Variants in CCDC40 observed in about 807,000 individuals in gnomAD.
CCDC40 encodes coiled-coil domain 40 molecular ruler complex subunit, also known as coiled-coil domain-containing protein 40.
Under a neutral mutation model 124.5 loss-of-function variants are expected in CCDC40, and 104 were observed. That is an observed-to-expected ratio of 0.84 (90% CI 0.71 to 0.98). The LOEUF is 0.98. Ranked by LOEUF, CCDC40 falls within the 50% of genes least tolerant of loss-of-function variation. The pLI, the probability that CCDC40 is intolerant of heterozygous loss-of-function variation, is 0.00. For synonymous variants in CCDC40, 580 were observed against 602.9 expected, an observed-to-expected ratio of 0.96 and a Z score of 0.56; for missense variants, 1,463 against 1,503.9, an observed-to-expected ratio of 0.97 and a Z score of 0.45.
rs1258095203 is a variant in CCDC40, at chr17:80,048,640, A to C, written c.734A>C (p.Gln245Pro). The change falls in exon 5 of 20, where the codon CAG becomes CCG. Residue 245 changes from glutamine (Q) to proline (P), a missense_variant. Coordinates refer to ENST00000397545, the MANE Select transcript of CCDC40 (RefSeq NM_017950.4). Reference sequence around the variant, plus strand: ...AGGGAAGGAGACCTGCCAGTGTTCCAGGACCAGATCCAGCAGCCCAGCACC... The same window carrying C: ...AGGGAAGGAGACCTGCCAGTGTTCCCGGACCAGATCCAGCAGCCCAGCACC... Reference protein sequence around the residue: ...HPREGDLPVFQDQIQQPSTEE... With the variant: ...HPREGDLPVFPDQIQQPSTEE... 1 of 1,613,980 alleles carries C rather than the reference A, an allele frequency of 6.2e-7. No individual in the cohort carries two copies. The highest frequency in any genetic ancestry group is 2.2e-5 in the East Asian group (1 of 44,892).
At position 80,048,598 on chromosome 17, in the gene CCDC40, T is replaced by A. The variant is rs758921907; in HGVS notation, c.692T>A (p.Val231Glu). ...VSQEPVIPPG[V>E]PDAHPREGDL... is the part of the protein sequence containing the mutation. The stretch of plus-strand genomic sequence containing the variant: ...CTCCCCCCAGTGATCCCCCCAGGGG[T>A]GCCCGATGCCCACCCCAGGGAAGGA... Residue 231 changes from valine (V) to glutamate (E), a missense_variant, in exon 5 of 20, where the codon GTG (valine) becomes GAG (glutamate). By Grantham distance (121) the Val-to-Glu change is moderately radical. Transcript: ENST00000397545. The A allele has an allele frequency of 1.2e-6, 2 of 1,613,490 alleles. No individual in the cohort carries two copies. The highest frequency in any genetic ancestry group is 3.3e-5 in the Admixed American group (2 of 60,002).
At chr17:80,096,061 C>T (rs2038804698) in intron 18 of CCDC40, among the ~76,000 whole-genome samples, 1 of 152,258 alleles carries the variant, frequency 6.6e-6, no homozygotes, top group African/African-American at 2.4e-5. Context: ...AGGTTGGCCC[C>T]ACAGCCCCGC....
rs1229386289 is a variant in CCDC40 at position 80,100,020 on chromosome 17, G to GACCCACAC, written c.*254_*261dup. On this transcript the variant is annotated 3_prime_UTR_variant, in exon 20 of 20. Coordinates refer to ENST00000397545, the MANE Select transcript of CCDC40 (RefSeq NM_017950.4). ...CGCAAAGACAGAGCCTGTGACTGCA[G>GACCCACAC]ACCCACACACCCACACTCCCACACT... The GACCCACAC allele has an allele frequency of 1.8e-6, 1 of 545,938 alleles. No individual in the cohort carries two copies. Among genetic ancestry groups the GACCCACAC allele is most frequent in the East Asian group, 3.2e-5 (1 of 31,204 alleles). 33.8% of individuals were successfully genotyped at this position (545,938 alleles called of 1,614,324 possible). A position where few individuals can be genotyped will look rare whatever the true frequency, so the allele number is the denominator to read the frequency against.
chr17:80,053,368 A>T (rs2037656636), intron 7 of CCDC40, among the ~76,000 whole-genome samples: 1 of 152,192 alleles, frequency 6.6e-6, no homozygotes, highest in Non-Finnish European at 1.5e-5. Flanking sequence ...TGCGCCTTGG[A>T]GGAACCAGGG....
intron 3 of CCDC40, among the ~76,000 whole-genome samples, chr17:80,040,735 C>T (rs971339941): frequency 4.0e-5 from 6 of 151,542 alleles, no homozygotes; most frequent in Admixed American, 6.6e-5. Context: ...TCAGGATTCA[C>T]GGTCAAATGC....
chr17:80,089,287 G>A (rs12150060), intron 16 of CCDC40, among the ~76,000 whole-genome samples: 31,829 of 152,202 alleles, frequency 0.21, 4,037 homozygotes, highest in Non-Finnish European at 0.28. Context: ...TTTCTTCAGC[G>A]TGCTCCGGAA....
intron 10 of CCDC40, 39 bp downstream of exon 10, chr17:80,065,645 C>T: frequency 1.2e-6 from 2 of 1,609,728 alleles, no homozygotes; most frequent in Non-Finnish European, 1.7e-6. Flanking sequence ...GTGCGGGAAC[C>T]CCAGGGGTCC....
intron 12 of CCDC40, among the ~76,000 whole-genome samples, chr17:80,082,656 C>T (rs1425778440): frequency 6.6e-6 from 1 of 152,080 alleles, no homozygotes; most frequent in East Asian, 1.9e-4. Context: ...GTTTTGCCCT[C>T]CTGAGGGGTG....
At position 80,087,822 on chromosome 17, in the gene CCDC40, C is replaced by G; in HGVS notation, c.2619+46C>G. The G allele has an allele frequency of 6.3e-7, 1 of 1,577,156 alleles. No individual in the cohort carries two copies. Among genetic ancestry groups the G allele is most frequent in the Non-Finnish European group, 8.7e-7 (1 of 1,147,082 alleles). On this transcript the variant is annotated intron_variant, in intron 15 of 19. Transcript: ENST00000397545. This position sits in a 1 kb window ranked among gnomAD's most constrained non-coding sequence, Gnocchi z 4.5. ...TCCCGGGGCTCAGGACGATGGAGGGCGGGGGTACGGTCCTTGCGGTGGGCG... is the reference window on the plus strand; with the variant it reads ...TCCCGGGGCTCAGGACGATGGAGGGGGGGGGTACGGTCCTTGCGGTGGGCG...
At chr17:80,069,808 G>GA (rs869251411) in intron 10 of CCDC40, among the ~76,000 whole-genome samples, 1 of 147,464 alleles carries the variant, frequency 6.8e-6, no homozygotes, top group Admixed American at 6.6e-5. Context: ...GAGAGAGAGA[G>GA]AAAAAAAGAA....
chr17:80,050,196 G>A lies in CCDC40; in HGVS notation c.1072G>A (p.Glu358Lys), dbSNP rs1294814388. The A allele has an allele frequency of 6.2e-7, 1 of 1,611,660 alleles. No individual in the cohort carries two copies. The highest frequency in any genetic ancestry group is 1.7e-5 in the Admixed American group (1 of 59,888). The change falls in exon 7 of 20, where the codon GAG (glutamate) becomes AAG (lysine). Residue 358 changes from glutamate to lysine, a missense_variant. By Grantham distance (56) the Glu-to-Lys change is moderately conservative. Coordinates refer to ENST00000397545, the MANE Select transcript of CCDC40 (RefSeq NM_017950.4). ...SHDRHAMASS[E>K]RRQKEEELQA... ...CGACCGCCACGCAATGGCCTCGAGC[G>A]AGCGCAGGCAGAAGGAGGAGGAGCT...
intron 10 of CCDC40, among the ~76,000 whole-genome samples, chr17:80,072,714 A>G (rs544646644): frequency 5.3e-5 from 8 of 152,272 alleles, no homozygotes; most frequent in Middle Eastern, 6.8e-3. Context: ...TCCACTTGGC[A>G]TCATGCTTTT....
intron 13 of CCDC40, among the ~76,000 whole-genome samples, chr17:80,085,498 G>A (rs2038564256): frequency 2.0e-5 from 3 of 152,086 alleles, no homozygotes; most frequent in Non-Finnish European, 2.9e-5. Flanking sequence ...AAGCTAGAGG[G>A]GGCTCCAGAG....
At chr17:80,065,390 A>G in intron 9 of CCDC40, 95 bp from the exon 10 acceptor site, 1 of 1,518,854 alleles carries the variant, frequency 6.6e-7, no homozygotes, top group East Asian at 2.3e-5. Context: ...GAAGGAAAAG[A>G]GGAAGATTTG....
chr17:80,050,345 C>T, intron 7 of CCDC40, 62 bp downstream of exon 7: 1 of 1,327,198 alleles, frequency 7.5e-7, no homozygotes, highest in Non-Finnish European at 1.1e-6. Context: ...GGGGTGTCTC[C>T]ATGTACCATG....
chr17:80,048,372 C>A (rs558126965), intron 4 of CCDC40: 3 of 612,918 alleles, frequency 4.9e-6, no homozygotes, highest in Non-Finnish European at 8.8e-6. Flanking sequence ...ACCTTTAAAA[C>A]GGGACGCTTT....
chr17:80,059,858 C>G (rs1412119452), intron 9 of CCDC40, among the ~76,000 whole-genome samples: 1 of 152,134 alleles, frequency 6.6e-6, no homozygotes, highest in Non-Finnish European at 1.5e-5. Flanking sequence ...CCGTGCCCAG[C>G]CAATGAAAAA....
chr17:80,041,922 G>A lies in CCDC40; in HGVS notation c.552+1652G>A, dbSNP rs556078320. ...AAGCACCAAGATTCTTCATTGTGAA[G>A]CGACCTTTTACTCCTTTATACTTAA... On this transcript the variant is annotated intron_variant, in intron 3 of 19. Transcript: ENST00000397545. Among the ~76,000 whole-genome samples, 3 of 152,264 alleles carry A rather than the reference G, an allele frequency of 2.0e-5. No homozygotes were observed. In the East Asian group the frequency reaches 5.8e-4, roughly 29 times the overall value.
At chr17:80,074,337 C>G (rs1308114388) in intron 10 of CCDC40, among the ~76,000 whole-genome samples, 1 of 152,088 alleles carries the variant, frequency 6.6e-6, no homozygotes, top group Non-Finnish European at 1.5e-5. Context: ...GGTGAAACCC[C>G]GTCTCTACTA....
Sources: gnomAD v4.1 joint callset for allele counts (sites outside exome capture counted in the v4.1 genomes callset) on GRCh38, gnomAD v4.1.1 for gene constraint, Gnocchi (gnomAD v3.1) non-coding constraint, MANE v1.5 for transcripts, NCBI Gene and HGNC (gene_info 2026-07-23, HGNC 2026-07-21) for gene names.